The following NKAIN2 variants were observed in gnomAD, a reference collection of about 807,000 sequenced individuals.
The protein encoded by NKAIN2 is sodium/potassium transporting ATPase interacting 2, also known as sodium/potassium-transporting ATPase subunit beta-1-interacting protein 2.
NKAIN2 carries 14 observed loss-of-function variants against 32.6 expected under a neutral mutation model. The observed-to-expected ratio is 0.43, with a 90% CI of 0.28 to 0.67. NKAIN2 has a LOEUF of 0.67. Among genes scored for constraint, NKAIN2 ranks in the 30% least tolerant of loss-of-function variants. The pLI is 0.17. For missense variants in NKAIN2, 198 were observed against 258.3 expected, an observed-to-expected ratio of 0.77 and a Z score of 1.60; for synonymous variants, 80 against 87.2, an observed-to-expected ratio of 0.92 and a Z score of 0.46.
intron 3 of NKAIN2, among the ~76,000 whole-genome samples, chr6:124,633,709 T>C (rs2114320084): frequency 6.6e-6 from 1 of 152,344 alleles, no homozygotes; most frequent in Non-Finnish European, 1.5e-5. Flanking sequence ...CAGGTTTCAA[T>C]TCAATTTTAT....
intron 1 of NKAIN2, among the ~76,000 whole-genome samples, chr6:124,157,398 G>T (rs1209786340): frequency 6.6e-6 from 1 of 151,936 alleles, no homozygotes; most frequent in South Asian, 2.1e-4. Flanking sequence ...TATTTTCTGT[G>T]TGTAGTAAAT....
chr6:124,175,536 A>G (rs894835906), intron 1 of NKAIN2, among the ~76,000 whole-genome samples: 2 of 152,226 alleles, frequency 1.3e-5, no homozygotes, highest in African/African-American at 4.8e-5. Context: ...ACCTAATGGG[A>G]AAATGAAAAT....
At chr6:124,133,931 A>G (rs1404036674) in intron 1 of NKAIN2, among the ~76,000 whole-genome samples, 2 of 152,160 alleles carry the variant, frequency 1.3e-5, no homozygotes, top group Non-Finnish European at 2.9e-5. Flanking sequence ...CTCAAATGAG[A>G]AGGAACCAAA....
At chr6:124,242,664 C>T (rs1582910975) in intron 1 of NKAIN2, among the ~76,000 whole-genome samples, 1 of 152,018 alleles carries the variant, frequency 6.6e-6, no homozygotes. Flanking sequence ...CAATGCTAGA[C>T]TGGATTAAGA....
chr6:124,052,013 G>A (rs1782431343), intron 1 of NKAIN2, among the ~76,000 whole-genome samples: 1 of 152,000 alleles, frequency 6.6e-6, no homozygotes, highest in African/African-American at 2.4e-5. Flanking sequence ...GGACTAGGTG[G>A]TAGGTTATAG....
At chr6:124,814,718 A>C (rs1451862202) in intron 5 of NKAIN2, among the ~76,000 whole-genome samples, 1 of 152,016 alleles carries the variant, frequency 6.6e-6, no homozygotes, top group East Asian at 1.9e-4. Flanking sequence ...GAAGGTCTAC[A>C]TGGCTTCTGA....
At chr6:124,799,103 G>A (rs905098152) in intron 5 of NKAIN2, among the ~76,000 whole-genome samples, 18 of 152,170 alleles carry the variant, frequency 1.2e-4, no homozygotes, top group African/African-American at 4.3e-4. Flanking sequence ...TTCTAAACAA[G>A]AGTAAGAAAG....
chr6:124,375,370 G>A (rs1799942657), intron 3 of NKAIN2, among the ~76,000 whole-genome samples: 1 of 146,804 alleles, frequency 6.8e-6, no homozygotes, highest in African/African-American at 2.5e-5. Context: ...ATGCCAGTAG[G>A]TACTCACTAT....
intron 3 of NKAIN2, among the ~76,000 whole-genome samples, chr6:124,581,248 G>A (rs1781508411): frequency 6.6e-6 from 1 of 151,720 alleles, no homozygotes; most frequent in African/African-American, 2.4e-5. Flanking sequence ...GACCATCCTG[G>A]CTAACAAGGT....
chr6:123,822,109 T>G (rs4243504), intron 1 of NKAIN2, among the ~76,000 whole-genome samples: 7 of 84,664 alleles, frequency 8.3e-5, no homozygotes, highest in South Asian at 1.0e-3. Flanking sequence ...TAGGAAGTAT[T>G]AATTTGAACT....
intron 3 of NKAIN2, among the ~76,000 whole-genome samples, chr6:124,524,167 G>A (rs975410317): frequency 2.0e-5 from 3 of 152,140 alleles, no homozygotes; most frequent in Middle Eastern, 3.2e-3. Flanking sequence ...TAGTTACTCA[G>A]TGACTAGGCT....
At chr6:123,928,924 T>C (rs893115130) in intron 1 of NKAIN2, among the ~76,000 whole-genome samples, 3 of 152,230 alleles carry the variant, frequency 2.0e-5, no homozygotes, top group Admixed American at 6.5e-5. Flanking sequence ...TGTACAGTTA[T>C]AGAAATGAAC....
intron 4 of NKAIN2, among the ~76,000 whole-genome samples, chr6:124,683,949 T>C (rs896645090): frequency 6.6e-6 from 1 of 152,186 alleles, no homozygotes; most frequent in African/African-American, 2.4e-5. Context: ...ACAGGTTCTT[T>C]ACATGTGAGT....
At chr6:124,729,895 A>G (rs1247029256) in intron 4 of NKAIN2, among the ~76,000 whole-genome samples, 1 of 151,196 alleles carries the variant, frequency 6.6e-6, no homozygotes, top group Non-Finnish European at 1.5e-5. Flanking sequence ...AAAAATCACA[A>G]GCATTCTTAT....
intron 1 of NKAIN2, among the ~76,000 whole-genome samples, chr6:124,079,171 A>T (rs962007462): frequency 6.6e-6 from 1 of 152,146 alleles, no homozygotes; most frequent in Non-Finnish European, 1.5e-5. Flanking sequence ...AAAATACAAA[A>T]ATTAGGCGTG....
intron 1 of NKAIN2, among the ~76,000 whole-genome samples, chr6:124,008,807 C>T (rs1431643865): frequency 6.6e-6 from 1 of 152,128 alleles, no homozygotes; most frequent in Non-Finnish European, 1.5e-5. Flanking sequence ...CCAGCCATAT[C>T]AAGTAAACTT....
At chr6:124,563,976 G>A (rs1278991039) in intron 3 of NKAIN2, among the ~76,000 whole-genome samples, 3 of 152,156 alleles carry the variant, frequency 2.0e-5, no homozygotes, top group Non-Finnish European at 4.4e-5. Context: ...TGATGCTATA[G>A]TTTCTCTCAG....
At chr6:124,284,122 C>A (rs1444337994) in intron 2 of NKAIN2, among the ~76,000 whole-genome samples, 1 of 152,174 alleles carries the variant, frequency 6.6e-6, no homozygotes, top group Non-Finnish European at 1.5e-5. Flanking sequence ...CCACAGTCCT[C>A]GCCTCCAGGT....
At chr6:124,678,680 T>C (rs1193484277) in intron 4 of NKAIN2, among the ~76,000 whole-genome samples, 1 of 152,232 alleles carries the variant, frequency 6.6e-6, no homozygotes, top group Middle Eastern at 3.2e-3. Flanking sequence ...AGAAATTTTA[T>C]ATACCACCAT....
Sources: gnomAD v4.1 joint callset for allele counts (sites outside exome capture counted in the v4.1 genomes callset) on GRCh38, gnomAD v4.1.1 for gene constraint, MANE v1.5 for transcripts, NCBI Gene and HGNC (gene_info 2026-07-23, HGNC 2026-07-21) for gene names.